EFNB2: variants seen among roughly 807,000 people sequenced by gnomAD.
EFNB2 encodes ephrin-B2.
Under a neutral mutation model 32.1 loss-of-function variants are expected in EFNB2, and 5 were observed. The observed-to-expected ratio is 0.16, with a 90% confidence interval of 0.08 to 0.33. The LOEUF is 0.33. EFNB2 is among the 10% of genes least tolerant of loss of function. The pLI is 1.00. For synonymous variants in EFNB2, 168 were observed against 166.5 expected (o/e 1.01, Z -0.07); for missense variants, 263 against 422.6 (o/e 0.62, Z 3.31).
chr13:106,508,609 G>C (rs8001826), intron 2 of EFNB2, among the ~76,000 whole-genome samples: 24,691 of 152,144 alleles, frequency 0.16, 2,467 homozygotes, highest in African/African-American at 0.28. Flanking sequence ...CCATGACTTA[G>C]GTGGGGCTAT....
At chr13:106,503,592 G>A (rs1664415999) in intron 2 of EFNB2, among the ~76,000 whole-genome samples, 1 of 152,210 alleles carries the variant, frequency 6.6e-6, no homozygotes, top group South Asian at 2.1e-4. Flanking sequence ...GAAGTCATTA[G>A]CTGGGTGGTG....
chr13:106,525,994 C>T (rs1200008253), intron 1 of EFNB2, among the ~76,000 whole-genome samples: 2 of 151,902 alleles, frequency 1.3e-5, no homozygotes, highest in African/African-American at 4.8e-5. Context: ...TTGTGTAGGG[C>T]GAGGGTTCTC....
chr13:106,532,822 T>G (rs1251865259), intron 1 of EFNB2, among the ~76,000 whole-genome samples: 34 of 139,102 alleles, frequency 2.4e-4, no homozygotes, highest in East Asian at 9.3e-4. Context: ...ATCATCAGAA[T>G]GGGGGGGGGG....
At chr13:106,506,930 T>G (rs918372709) in intron 2 of EFNB2, among the ~76,000 whole-genome samples, 12 of 152,150 alleles carry the variant, frequency 7.9e-5, no homozygotes, top group African/African-American at 2.7e-4. Context: ...GACCCCAGAC[T>G]CTCAACCTAA....
At chr13:106,500,945 T>C (rs1284650774) in intron 2 of EFNB2, among the ~76,000 whole-genome samples, 4 of 152,330 alleles carry the variant, frequency 2.6e-5, no homozygotes, top group African/African-American at 9.6e-5. Context: ...TACTGTTTTC[T>C]TCTACCACAG....
At chr13:106,495,997 CAAAAAG>C (rs1216575598) in intron 2 of EFNB2, among the ~76,000 whole-genome samples, 157 bp from the exon 3 acceptor site, 1 of 151,716 alleles carries the variant, frequency 6.6e-6, no homozygotes, top group Non-Finnish European at 1.5e-5. Context: ...TGCTGAAAGC[CAAAAAG>C]AAAAAGAAAA....
At position 106,491,802 on chromosome 13, in the gene EFNB2, G is replaced by A. The variant is rs2138893475; in HGVS notation, c.*1238C>T. On this transcript the variant is annotated 3_prime_UTR_variant, in exon 5 of 5. Coordinates refer to ENST00000646441, the MANE Select transcript of EFNB2 (RefSeq NM_004093.4). ...ATTCTTTAATAACAACGATGATGAT[G>A]GAATTACAGCCTGTTTGACCTTTGG... 6.6e-6 allele frequency: 1 copy of A among 152,654 alleles called. No individual in the cohort carries two copies. Among genetic ancestry groups the A allele is most frequent in the Non-Finnish European group, 1.5e-5 (1 of 68,030 alleles). The allele number at this position is 152,654 out of a possible 1,614,324, so 9.5% of individuals were successfully genotyped here.
chr13:106,532,069 A>AAAAAC (rs1566464958), intron 1 of EFNB2, among the ~76,000 whole-genome samples: 5 of 78,242 alleles, frequency 6.4e-5, no homozygotes, highest in African/African-American at 2.1e-4. Flanking sequence ...AAAAAAAACA[A>AAAAAC]AAAAAAAACC....
At chr13:106,515,637 G>C (rs1303599169) in intron 1 of EFNB2, among the ~76,000 whole-genome samples, 1 of 152,172 alleles carries the variant, frequency 6.6e-6, no homozygotes, top group South Asian at 2.1e-4. Flanking sequence ...CCCAATCCTT[G>C]AGTGGTTTAG....
chr13:106,493,377 C>G lies in EFNB2; in HGVS notation c.665G>C (p.Gly222Ala). 6.2e-7 allele frequency: 1 copy of G among 1,614,090 alleles called. No homozygotes were observed. The highest frequency in any genetic ancestry group is 1.1e-5 in the South Asian group (1 of 91,074). Residue 222 changes from glycine (G) to alanine (A), a missense_variant, in exon 5 of 5, where the codon GGT becomes GCT. Physicochemically the swap from Gly to Ala is moderately conservative, Grantham distance 60 (BLOSUM62 0). Coordinates refer to ENST00000646441, the MANE Select transcript of EFNB2 (RefSeq NM_004093.4). The surrounding 1 kb of genome is among the most constrained non-coding windows in gnomAD (Gnocchi z 6.1). ...SAGHSGNNIL[G>A]SEVALFAGIA... ...CCCTGCAAATAAGGCCACTTCGGAA[C>G]CGAGGATGTTGTTCCCCGAATGTCC...
At chr13:106,514,725 A>G (rs193193404) in intron 1 of EFNB2, among the ~76,000 whole-genome samples, 143 of 152,164 alleles carry the variant, frequency 9.4e-4, no homozygotes, top group African/African-American at 3.3e-3. Flanking sequence ...AACCTTTTCT[A>G]TCCTTAATCT....
rs1201960931 is a variant in EFNB2 at position 106,490,117 on chromosome 13, T to A, written c.*2923A>T. On this transcript the variant is annotated 3_prime_UTR_variant, in exon 5 of 5. Transcript: ENST00000646441. ...AATACATTGCAAAATTCAGATTTTA[T>A]ACAAAACATCTTGCTTAGACTTTAT... 1 of 152,650 alleles carries A rather than the reference T, an allele frequency of 6.6e-6. No homozygotes were observed. Among genetic ancestry groups the A allele is most frequent in the Non-Finnish European group, 1.5e-5 (1 of 68,038 alleles). The allele number at this position is 152,650 out of a possible 1,614,324, so 9.5% of individuals were successfully genotyped here.
chr13:106,511,848 C>T (rs1189601624), intron 2 of EFNB2, among the ~76,000 whole-genome samples: 3 of 152,168 alleles, frequency 2.0e-5, no homozygotes, highest in Non-Finnish European at 2.9e-5. Context: ...CAGCTGACTT[C>T]ACATCCTCAC....
At chr13:106,503,404 G>A (rs1329141269) in intron 2 of EFNB2, among the ~76,000 whole-genome samples, 7 of 152,190 alleles carry the variant, frequency 4.6e-5, no homozygotes, top group African/African-American at 1.4e-4. Context: ...TCACATAGAA[G>A]AGCCAGCCTT....
chr13:106,501,000 G>A (rs1693497198), intron 2 of EFNB2, among the ~76,000 whole-genome samples: 1 of 152,162 alleles, frequency 6.6e-6, no homozygotes, highest in South Asian at 2.1e-4. Context: ...AATAAGGTAA[G>A]TTGAAAAATA....
At chr13:106,525,096 T>C (rs1316717129) in intron 1 of EFNB2, among the ~76,000 whole-genome samples, 1 of 152,226 alleles carries the variant, frequency 6.6e-6, no homozygotes, top group African/African-American at 2.4e-5. Context: ...GATTGATTGG[T>C]TCATTGTGCC....
intron 2 of EFNB2, among the ~76,000 whole-genome samples, chr13:106,499,170 C>T (rs1197210605): frequency 6.6e-6 from 1 of 151,966 alleles, no homozygotes; most frequent in Non-Finnish European, 1.5e-5. Context: ...TATAGCTTCC[C>T]ATAGTGAAAA....
rs1194650071 is a variant in EFNB2 at position 106,535,201 on chromosome 13, G to T, written c.-237C>A. On this transcript the variant is annotated 5_prime_UTR_variant, in exon 1 of 5. Coordinates refer to ENST00000646441, the MANE Select transcript of EFNB2 (RefSeq NM_004093.4). The stretch of plus-strand genomic sequence containing the variant: ...GGGCGCGGCGGCGCGGCGGACTCGG[G>T]GTTCCGGGGCGCCGCGCCGGACGCA... The T allele has an allele frequency of 5.8e-6, 1 of 172,116 alleles. No individual in the cohort carries two copies. Among genetic ancestry groups the T allele is most frequent in the Middle Eastern group, 2.8e-3 (1 of 356 alleles). The allele number at this position is 172,116 out of a possible 1,614,324, so 10.7% of individuals were successfully genotyped here.
At chr13:106,520,050 T>C (rs1879448992) in intron 1 of EFNB2, 1 of 152,136 alleles carries the variant, frequency 6.6e-6, no homozygotes, top group Non-Finnish European at 1.5e-5. Flanking sequence ...AGGGAATATA[T>C]ACAATTTATG....
Sources: allele counts gnomAD v4.1 joint callset (sites outside exome capture counted in the v4.1 genomes callset), GRCh38; gene constraint gnomAD v4.1.1; non-coding constraint Gnocchi (gnomAD v3.1); transcripts MANE v1.5; gene names NCBI Gene and HGNC (gene_info 2026-07-23, HGNC 2026-07-21).